The following PDE1A variants were observed in gnomAD, a reference collection of about 807,000 sequenced individuals.
The protein encoded by PDE1A is dual specificity calcium/calmodulin-dependent 3',5'-cyclic nucleotide phosphodiesterase 1A.
Under a neutral mutation model 61.7 loss-of-function variants are expected in PDE1A, and 35 were observed. The observed-to-expected ratio is 0.57, with a 90% confidence interval of 0.43 to 0.75. The LOEUF (loss-of-function observed/expected upper bound fraction) is 0.75, where lower values mean the gene tolerates loss of function less well. PDE1A is among the 30% of genes least tolerant of loss of function. The pLI is 0.00. For missense variants in PDE1A, 597 were observed against 630.6 expected (o/e 0.95, Z 0.57); for synonymous variants, 232 against 213.2 (o/e 1.09, Z -0.77).
At chr2:182,394,868 T>C (rs2125409476) in intron 1 of PDE1A, among the ~76,000 whole-genome samples, 1 of 152,136 alleles carries the variant, frequency 6.6e-6, no homozygotes, top group Admixed American at 6.5e-5. Flanking sequence ...AGAAAAACAG[T>C]AAATCAAAAA....
intron 1 of PDE1A, among the ~76,000 whole-genome samples, chr2:182,307,336 A>T (rs1300769614): frequency 6.6e-6 from 1 of 152,152 alleles, no homozygotes; most frequent in African/African-American, 2.4e-5. Flanking sequence ...TCATGAATGG[A>T]TTAATGCTGT....
intron 1 of PDE1A, among the ~76,000 whole-genome samples, chr2:182,361,228 C>T (rs1435040107): frequency 6.6e-6 from 1 of 152,012 alleles, no homozygotes; most frequent in Non-Finnish European, 1.5e-5. Context: ...ATTATTTTTA[C>T]ATGTGTACAT....
At chr2:182,165,772 AT>A (rs1272252299), downstream of PDE1A, among the ~76,000 whole-genome samples, 2 of 152,298 alleles carry the variant, frequency 1.3e-5, no homozygotes, top group East Asian at 3.9e-4. Context: ...GAGGATTGTA[AT>A]TTTTATAAGT....
chr2:182,614,711 C>T, the PDE1A span, among the ~76,000 whole-genome samples: 2 of 152,106 alleles, frequency 1.3e-5, no homozygotes, highest in Admixed American at 6.5e-5. Context: ...GCATGTGCCA[C>T]CACACCCAGC....
chr2:182,438,378 C>T (rs28569979), intron 2 of PDE1A, among the ~76,000 whole-genome samples: 30,034 of 151,808 alleles, frequency 0.2, 3,120 homozygotes, highest in Middle Eastern at 0.35. Context: ...ATGGGGCCAC[C>T]TCTAAGGCAT....
At chr2:182,257,960 G>A (rs541686734) in intron 2 of PDE1A, among the ~76,000 whole-genome samples, 76 of 152,280 alleles carry the variant, frequency 5.0e-4, no homozygotes, top group African/African-American at 1.8e-3. Flanking sequence ...GAGGTCAGGA[G>A]ATCGAGACCA....
chr2:182,528,182 T>C (rs1559543647), upstream of PDE1A, among the ~76,000 whole-genome samples: 1 of 152,202 alleles, frequency 6.6e-6, no homozygotes, highest in Non-Finnish European at 1.5e-5. Context: ...TGGAACTTTC[T>C]AGAGACTTGT....
At chr2:182,231,783 TGCACGCCTGTAATCCCA>T (rs1689603518) in intron 4 of PDE1A, among the ~76,000 whole-genome samples, 1 of 151,856 alleles carries the variant, frequency 6.6e-6, no homozygotes, top group Admixed American at 6.6e-5. Flanking sequence ...GGTGTGGTGG[TGCACGCCTGTAATCCCA>T]GCTAATCAGG....
intron 13 of PDE1A, among the ~76,000 whole-genome samples, chr2:182,181,897 A>C (rs1261158163): frequency 6.6e-6 from 1 of 152,180 alleles, no homozygotes. Flanking sequence ...ACTAAAGCCC[A>C]GCAGTTTGCT....
the PDE1A span, among the ~76,000 whole-genome samples, chr2:182,705,305 A>G: frequency 1.3e-5 from 2 of 152,226 alleles, no homozygotes; most frequent in Admixed American, 1.3e-4. Context: ...AAAGTGAACA[A>G]AAACAATTAT....
chr2:182,575,738 CTT>C, the PDE1A span, among the ~76,000 whole-genome samples: 3 of 145,112 alleles, frequency 2.1e-5, no homozygotes, highest in African/African-American at 7.5e-5. Flanking sequence ...TATATAAAAA[CTT>C]AATACTACAT....
At chr2:182,523,339 G>A (rs954037205), upstream of PDE1A, 8 of 152,058 alleles carry the variant, frequency 5.3e-5, no homozygotes, top group Admixed American at 3.3e-4. Flanking sequence ...AGAAACTGAT[G>A]GTTTGCGGCT....
At chr2:182,710,449 C>G in the PDE1A span, among the ~76,000 whole-genome samples, 9 of 152,174 alleles carry the variant, frequency 5.9e-5, no homozygotes, top group Non-Finnish European at 1.2e-4. Context: ...TATATTAGAT[C>G]CCCAGAACAT....
the PDE1A span, among the ~76,000 whole-genome samples, chr2:182,607,369 G>A: frequency 1.3e-5 from 2 of 152,210 alleles, no homozygotes; most frequent in African/African-American, 2.4e-5. Context: ...GAAAGCCAAA[G>A]TATGCCTGGA....
intron 1 of PDE1A, among the ~76,000 whole-genome samples, chr2:182,356,327 C>T (rs189975888): frequency 5.3e-5 from 8 of 152,134 alleles, no homozygotes; most frequent in African/African-American, 1.2e-4. Flanking sequence ...ATTACATGAC[C>T]TTGTGTCTAT....
chr2:182,263,670 C>A (rs1461422360), intron 2 of PDE1A, among the ~76,000 whole-genome samples: 3 of 152,174 alleles, frequency 2.0e-5, no homozygotes, highest in Non-Finnish European at 4.4e-5. Context: ...CACCAAGAGA[C>A]ACTGGTCACA....
At position 182,517,584 on chromosome 2, in the gene PDE1A, T is replaced by C. The variant is rs76685671; in HGVS notation, c.101+4692A>G. 4.4e-3 allele frequency among the ~76,000 whole-genome samples: 663 copies of C among 152,308 alleles called. 2 individuals carry two copies. Among genetic ancestry groups the C allele is most frequent in the African/African-American group, 0.015 (621 of 41,574 alleles). On this transcript the variant is annotated intron_variant, in intron 2 of 14. Coordinates refer to the PDE1A transcript ENST00000410103. ...CTTGCACTCAAAAGCTGTGGTTGAA[T>C]AGGGAAGGTGGATTTTGTTACGAGA... is the stretch of plus-strand genomic sequence containing the variant.
At chr2:182,376,399 G>T (rs1322429806) in intron 1 of PDE1A, among the ~76,000 whole-genome samples, 1 of 152,140 alleles carries the variant, frequency 6.6e-6, no homozygotes, top group African/African-American at 2.4e-5. Flanking sequence ...GGGACAAAAC[G>T]CTGCCAGTCT....
chr2:182,338,651 GT>G (rs1697992329), intron 1 of PDE1A, among the ~76,000 whole-genome samples: 1 of 152,112 alleles, frequency 6.6e-6, no homozygotes, highest in Middle Eastern at 3.4e-3. Context: ...AGCCTCCCAA[GT>G]AGCTGGGACT....
Sources: allele counts gnomAD v4.1 joint callset (sites outside exome capture counted in the v4.1 genomes callset), GRCh38; gene constraint gnomAD v4.1.1; transcripts MANE v1.5; gene names NCBI Gene and HGNC (gene_info 2026-07-23, HGNC 2026-07-21).